Variants in RORA observed in about 807,000 individuals in gnomAD.
RORA encodes the protein nuclear receptor ROR-alpha.
RORA carries 7 observed loss-of-function variants against 69.5 expected under a neutral mutation model. The observed-to-expected ratio is 0.10, with a 90% CI of 0.06 to 0.19. RORA has a LOEUF of 0.19. RORA is among the 10% of genes least tolerant of loss of function. RORA has a pLI of 1.00. For synonymous variants in RORA, 261 were observed against 240.8 expected (o/e 1.08, Z -0.78); for missense variants, 457 against 663.0 (o/e 0.69, Z 3.41).
intron 1 of RORA, among the ~76,000 whole-genome samples, chr15:60,795,573 C>A (rs904415076): frequency 2.0e-5 from 3 of 152,178 alleles, no homozygotes; most frequent in African/African-American, 7.2e-5. Context: ...TAATATGATG[C>A]AATGATGAAG....
In RORA at chr15:61,171,556, A is replaced by G. The variant is rs1409653034; in HGVS notation, c.166+57497T>C. The stretch of plus-strand genomic sequence containing the variant: ...AGAATACACTGCTCAGATGTGGGGT[A>G]TTAACACTCACTGGTCCCCACCCAC... On this transcript the variant is annotated intron_variant, in intron 1 of 10. Coordinates refer to ENST00000335670, the MANE Select transcript of RORA (RefSeq NM_134261.3). Among the ~76,000 whole-genome samples the G allele has an allele frequency of 2.0e-5, 3 of 152,184 alleles. No individual in the cohort carries two copies. The East Asian group carries it at 5.8e-4, about 29-fold the overall frequency.
intron 2 of RORA, chr15:60,548,024 T>G (rs1004556553): frequency 1.3e-5 from 2 of 152,226 alleles, no homozygotes; most frequent in African/African-American, 4.8e-5. Flanking sequence ...GCAGACTTTG[T>G]GGAAATTCTG....
At chr15:60,959,627 A>C (rs988328615) in intron 1 of RORA, among the ~76,000 whole-genome samples, 1 of 152,184 alleles carries the variant, frequency 6.6e-6, no homozygotes, top group Non-Finnish European at 1.5e-5. Context: ...CATATTAAAG[A>C]GCCTGAAACT....
chr15:60,664,326 A>G (rs1343749090), intron 2 of RORA, among the ~76,000 whole-genome samples: 1 of 152,198 alleles, frequency 6.6e-6, no homozygotes, highest in African/African-American at 2.4e-5. Flanking sequence ...TTCCAACATC[A>G]AAAACCATAG....
chr15:60,541,842 G>C (rs1427502272), intron 2 of RORA, among the ~76,000 whole-genome samples: 1 of 152,298 alleles, frequency 6.6e-6, no homozygotes, highest in East Asian at 1.9e-4. Flanking sequence ...TAGAGGCAAA[G>C]TAAGAACACA....
At chr15:60,601,949 TG>T (rs967553094) in intron 2 of RORA, among the ~76,000 whole-genome samples, 1 of 152,146 alleles carries the variant, frequency 6.6e-6, no homozygotes, top group Non-Finnish European at 1.5e-5. Context: ...AAGAGTGACT[TG>T]TTTGTGTTAG....
intron 2 of RORA, among the ~76,000 whole-genome samples, chr15:60,579,064 G>GTTTTT (rs869076097): frequency 7.7e-6 from 1 of 129,696 alleles, no homozygotes; most frequent in Non-Finnish European, 1.6e-5. Context: ...ACCGCGCCCG[G>GTTTTT]TTTTTTTTTT....
At chr15:60,678,712 G>A in intron 1 of RORA, 26 bp from the exon 2 acceptor site, 4 of 1,604,190 alleles carry the variant, frequency 2.5e-6, no homozygotes, top group Non-Finnish European at 3.4e-6. Flanking sequence ...CAATAACATA[G>A]GTTAGAAAGT....
At chr15:60,806,508 G>A (rs1475409181) in intron 1 of RORA, among the ~76,000 whole-genome samples, 1 of 152,196 alleles carries the variant, frequency 6.6e-6, no homozygotes, top group African/African-American at 2.4e-5. Context: ...TAGATTGCCT[G>A]TACTGATTTC....
At chr15:60,981,604 TC>T (rs2140360742) in intron 1 of RORA, among the ~76,000 whole-genome samples, 1 of 152,280 alleles carries the variant, frequency 6.6e-6, no homozygotes, top group African/African-American at 2.4e-5. Flanking sequence ...AGTAATTTTT[TC>T]TTTTAGTTAT....
At chr15:60,660,119 A>AAG (rs1156682090) in intron 2 of RORA, among the ~76,000 whole-genome samples, 1 of 152,216 alleles carries the variant, frequency 6.6e-6, no homozygotes, top group Non-Finnish European at 1.5e-5. Context: ...TAAACAAGCT[A>AAG]AGAGGTGAAA....
intron 1 of RORA, among the ~76,000 whole-genome samples, chr15:61,023,104 C>A (rs1369052828): frequency 7.1e-6 from 1 of 141,012 alleles, no homozygotes; most frequent in Non-Finnish European, 1.5e-5. Context: ...AGGAGAATCG[C>A]TTGAACCCAG....
In RORA at chr15:61,229,113, C is replaced by T. The variant is rs1310946049; in HGVS notation, c.106G>A (p.Ala36Thr). ...SRETPLNQES[A>T]RKSEPPAPVR... ...GGGGCAGGCGGCTCGCTCTTGCGGG[C>T]GGATTCCTGGTTCAGCGGGGTCTCC... is the stretch of plus-strand genomic sequence containing the variant. The change falls in exon 1 of 11, where the codon GCC (alanine) becomes ACC (threonine). Residue 36 changes from alanine (A) to threonine (T), a missense_variant. By Grantham distance (58) the Ala-to-Thr change is moderately conservative. This residue lies in a region of RORA where 119 missense variants were observed against 92.4 expected (regional missense o/e 1.29). Coordinates refer to ENST00000335670, the MANE Select transcript of RORA (RefSeq NM_134261.3). 3 of 1,540,600 alleles carry T rather than the reference C, an allele frequency of 1.9e-6. No individual in the cohort carries two copies. The highest frequency in any genetic ancestry group is 1.2e-5 in the South Asian group (1 of 83,774).
chr15:60,802,519 A>G (rs2072599403), intron 1 of RORA, among the ~76,000 whole-genome samples: 1 of 152,186 alleles, frequency 6.6e-6, no homozygotes, highest in Non-Finnish European at 1.5e-5. Context: ...TAGCTCAAGT[A>G]TCTGGCTTCC....
At chr15:60,878,360 A>G (rs2140443873) in intron 1 of RORA, among the ~76,000 whole-genome samples, 1 of 150,856 alleles carries the variant, frequency 6.6e-6, no homozygotes, top group East Asian at 1.9e-4. Context: ...AAAAAAAAAA[A>G]AAAAAAAAGA....
At chr15:61,121,541 T>TG (rs1420555647) in intron 1 of RORA, among the ~76,000 whole-genome samples, 4 of 152,124 alleles carry the variant, frequency 2.6e-5, no homozygotes. Context: ...TCTTTGTCTT[T>TG]GGGGTCTCAT....
chr15:61,013,707 A>G (rs1017006898), intron 1 of RORA, among the ~76,000 whole-genome samples: 8 of 148,810 alleles, frequency 5.4e-5, no homozygotes, highest in Non-Finnish European at 1.0e-4. Context: ...TAATTAATGT[A>G]TAGTATACTG....
intron 2 of RORA, among the ~76,000 whole-genome samples, chr15:60,635,160 G>T (rs1050876520): frequency 2.0e-5 from 3 of 152,190 alleles, no homozygotes; most frequent in Non-Finnish European, 4.4e-5. Flanking sequence ...CAAGCAGAAT[G>T]CAAATGACGG....
chr15:60,720,074 C>T (rs372844417), intron 1 of RORA, among the ~76,000 whole-genome samples: 5 of 152,082 alleles, frequency 3.3e-5, no homozygotes, highest in African/African-American at 9.7e-5. Context: ...ATTTTGAAGA[C>T]GGAAGAAGCA....
Sources: gnomAD v4.1 joint callset for allele counts (sites outside exome capture counted in the v4.1 genomes callset) on GRCh38, gnomAD v4.1.1 for gene constraint, gnomAD v4.1.1 regional missense constraint, MANE v1.5 for transcripts, NCBI Gene and HGNC (gene_info 2026-07-23, HGNC 2026-07-21) for gene names.